CADPS: variants seen among roughly 807,000 people sequenced by gnomAD.
CADPS encodes calcium-dependent secretion activator 1.
In CADPS, 57 loss-of-function variants were observed where a neutral mutation model predicts 167.3. That is an observed-to-expected ratio of 0.34 (90% confidence interval 0.28 to 0.42). The LOEUF (loss-of-function observed/expected upper bound fraction) is 0.42. Among genes scored for constraint, CADPS ranks in the 20% least tolerant of loss-of-function variants. The pLI is 1.00. For synonymous variants in CADPS, 676 were observed against 635.3 expected, an observed-to-expected ratio of 1.06 and a Z score of -0.96; for missense variants, 1,414 against 1,738.1, an observed-to-expected ratio of 0.81 and a Z score of 3.32.
intron 3 of CADPS, among the ~76,000 whole-genome samples, chr3:62,713,304 C>G (rs774498977): frequency 2.0e-5 from 3 of 152,024 alleles, no homozygotes; most frequent in African/African-American, 4.8e-5. Context: ...TTATTTGTGT[C>G]GGTGAGGTAG....
chr3:62,491,605 C>A (rs1455534145), intron 20 of CADPS, 125 bp from the exon 21 acceptor site: 3 of 768,322 alleles, frequency 3.9e-6, no homozygotes, highest in African/African-American at 3.6e-5. Flanking sequence ...TTGTCTTCTA[C>A]ATTAAATATA....
At chr3:62,782,764 T>TC (rs1388425658) in intron 1 of CADPS, among the ~76,000 whole-genome samples, 1 of 148,588 alleles carries the variant, frequency 6.7e-6, no homozygotes, top group Admixed American at 6.7e-5. Context: ...TTTCTTTCTT[T>TC]TTTTTTTTTT....
chr3:62,674,611 T>C (rs1205972074), intron 3 of CADPS, among the ~76,000 whole-genome samples: 1 of 151,956 alleles, frequency 6.6e-6, no homozygotes, highest in Non-Finnish European at 1.5e-5. Context: ...GAAGAGGAGG[T>C]GGTATTAAAA....
intron 18 of CADPS, among the ~76,000 whole-genome samples, chr3:62,497,056 T>C (rs967636409): frequency 2.0e-5 from 3 of 152,186 alleles, no homozygotes; most frequent in African/African-American, 4.8e-5. Context: ...CTTTTGAATA[T>C]ACAAGATTAA....
chr3:62,764,346 C>G (rs563137843), intron 2 of CADPS, among the ~76,000 whole-genome samples: 6 of 152,250 alleles, frequency 3.9e-5, no homozygotes, highest in Non-Finnish European at 8.8e-5. Context: ...AACTGTACCA[C>G]ATAAGATAAA....
intron 22 of CADPS, among the ~76,000 whole-genome samples, chr3:62,479,163 C>G (rs1320965961): frequency 6.6e-6 from 1 of 152,192 alleles, no homozygotes; most frequent in Non-Finnish European, 1.5e-5. Flanking sequence ...TACCATTGCA[C>G]CATCTTACCC....
chr3:62,649,141 C>T (rs976878419), intron 5 of CADPS, among the ~76,000 whole-genome samples: 1 of 152,070 alleles, frequency 6.6e-6, no homozygotes, highest in African/African-American at 2.4e-5. Context: ...TCTTGGTCTC[C>T]CCAAATCTAG....
In CADPS at chr3:62,586,534, G is replaced by A. The variant is rs910036800; in HGVS notation, c.1438-1210C>T. ...GAAAAAAAAATCAGCCCACTTAGAT[G>A]TGCTTCATTTATGCCGATTTCTCAG... On this transcript the variant is annotated intron_variant, in intron 7 of 29. Coordinates refer to ENST00000383710, the MANE Select transcript of CADPS (RefSeq NM_003716.4). Among the ~76,000 whole-genome samples, 7 of 152,338 alleles carry A rather than the reference G, an allele frequency of 4.6e-5. No homozygotes were observed. The East Asian group carries it at 1.2e-3, about 25-fold the overall frequency.
At position 62,592,703 on chromosome 3, in the gene CADPS, A is replaced by C; in HGVS notation, c.1371T>G (p.Ala457=). Residue 457 remains alanine (A), a synonymous_variant, in exon 7 of 30, where the codon GCT becomes GCG. Transcript: ENST00000383710. ...TCTCTGTGAACAGCTTCACCTTCAC[A>C]GCTGGCAGTGCATGGGTTGTGGAGA... ...GDFSTTHALP[A]VKVKLFTEST... is the part of the protein sequence containing the mutation. 1 of 1,614,184 alleles carries C rather than the reference A, an allele frequency of 6.2e-7. No individual in the cohort carries two copies. Among genetic ancestry groups the C allele is most frequent in the East Asian group, 2.2e-5 (1 of 44,884 alleles).
At position 62,532,956 on chromosome 3, in the gene CADPS, C is replaced by T; in HGVS notation, c.2206G>A (p.Glu736Lys). ...ATCATGGCGCCATTTTCTGCCCGTT[C>T]AAGCAAGTCTCTGAGGTAGCAGAGA... Reference protein sequence around the residue: ...RHLCYLRDLLERAENGAMIDP... With the variant: ...RHLCYLRDLLKRAENGAMIDP... Residue 736 changes from glutamate (E) to lysine (K), a missense_variant, in exon 13 of 30, where the codon GAA becomes AAA. Transcript: ENST00000383710. 6.2e-7 allele frequency: 1 copy of T among 1,613,838 alleles called. No individual in the cohort carries two copies. The highest frequency in any genetic ancestry group is 8.5e-7 in the Non-Finnish European group (1 of 1,179,846).
At chr3:62,661,168 C>A (rs747811613) in intron 4 of CADPS, among the ~76,000 whole-genome samples, 3 of 151,954 alleles carry the variant, frequency 2.0e-5, no homozygotes, top group African/African-American at 4.8e-5. Flanking sequence ...TAGCTGTAGT[C>A]ATCAACAGTA....
chr3:62,601,879 G>A lies in CADPS; in HGVS notation c.1326-9131C>T, dbSNP rs984945704. On this transcript the variant is annotated intron_variant, in intron 6 of 29. Coordinates refer to ENST00000383710, the MANE Select transcript of CADPS (RefSeq NM_003716.4). The surrounding 1 kb of genome is among the most constrained non-coding windows in gnomAD (Gnocchi z 4.3). ...GGGAGAAAATGAGGGAGAAGAATAT[G>A]CTTTTGGGAGAGTGGAGCTCAGAAA... Among the ~76,000 whole-genome samples the A allele has an allele frequency of 2.2e-4, 33 of 152,258 alleles. No homozygotes were observed. The highest frequency in any genetic ancestry group is 7.7e-4 in the African/African-American group (32 of 41,562).
chr3:62,764,279 T>A (rs538810536), intron 2 of CADPS, among the ~76,000 whole-genome samples: 1 of 152,190 alleles, frequency 6.6e-6, no homozygotes, highest in South Asian at 2.1e-4. Flanking sequence ...TTATTCACTA[T>A]CATATATCAC....
At chr3:62,585,747 G>C (rs536146666) in intron 7 of CADPS, among the ~76,000 whole-genome samples, 11 of 152,176 alleles carry the variant, frequency 7.2e-5, no homozygotes, top group Non-Finnish European at 1.6e-4. Flanking sequence ...TTCAAGAGGA[G>C]AAATTCCTCA....
chr3:62,626,694 T>C (rs866591263), intron 6 of CADPS: 1 of 555,440 alleles, frequency 1.8e-6, no homozygotes, highest in African/African-American at 1.9e-5. Flanking sequence ...AGAATCAATC[T>C]AGAATTTACT....
At chr3:62,826,377 C>A (rs1279919949) in intron 1 of CADPS, among the ~76,000 whole-genome samples, 2 of 152,022 alleles carry the variant, frequency 1.3e-5, no homozygotes, top group Non-Finnish European at 2.9e-5. Context: ...TATCAATGTC[C>A]ATTTCCTGGT....
intron 6 of CADPS, among the ~76,000 whole-genome samples, chr3:62,599,858 T>TAATATATA (rs2059670104): frequency 1.5e-5 from 1 of 65,052 alleles, no homozygotes; most frequent in Non-Finnish European, 2.5e-5. Flanking sequence ...ATATAATATA[T>TAATATATA]ATAATATATA....
intron 1 of CADPS, among the ~76,000 whole-genome samples, chr3:62,782,262 T>A (rs1335200544): frequency 6.6e-6 from 1 of 152,156 alleles, no homozygotes; most frequent in Non-Finnish European, 1.5e-5. Flanking sequence ...GACTTACTGT[T>A]CAAATTTCAG....
At chr3:62,788,942 G>A (rs2092701363) in intron 1 of CADPS, among the ~76,000 whole-genome samples, 1 of 152,156 alleles carries the variant, frequency 6.6e-6, no homozygotes, top group African/African-American at 2.4e-5. Context: ...ACAGAGTTGA[G>A]GCTCCAATAT....
Sources: allele counts gnomAD v4.1 joint callset (sites outside exome capture counted in the v4.1 genomes callset), GRCh38; gene constraint gnomAD v4.1.1; non-coding constraint Gnocchi (gnomAD v3.1); transcripts MANE v1.5; gene names NCBI Gene and HGNC (gene_info 2026-07-23, HGNC 2026-07-21).